DAB1: variants seen among roughly 807,000 people sequenced by gnomAD.
DAB1 encodes the protein DAB adaptor protein 1.
DAB1 carries 15 observed loss-of-function variants against 64.6 expected under a neutral mutation model. The observed-to-expected ratio is 0.23, with a 90% CI of 0.16 to 0.36. The LOEUF (loss-of-function observed/expected upper bound fraction) is 0.36, where lower values mean the gene tolerates loss of function less well. Among genes scored for constraint, DAB1 ranks in the 10% least tolerant of loss-of-function variants. The pLI, the probability that DAB1 is intolerant of heterozygous loss-of-function variation, is 1.00. For missense variants in DAB1, 596 were observed against 706.7 expected (o/e 0.84, Z 1.78); for synonymous variants, 235 against 251.9 (o/e 0.93, Z 0.64).
intron 4 of DAB1, among the ~76,000 whole-genome samples, chr1:58,246,124 T>C (rs1053758074): frequency 5.5e-4 from 2 of 3,662 alleles, no homozygotes; most frequent in Admixed American, 5.0e-3. Flanking sequence ...TGTATCAGAA[T>C]TGTTAACAAA....
Position 58,123,250 on chromosome 1 carries a change from G to A in DAB1, n.387+27261C>T, listed in dbSNP as rs10159104. On this transcript the variant is annotated intron_variant and non_coding_transcript_variant, in intron 5 of 20. Coordinates refer to the DAB1 transcript ENST00000485760. ...CATTCTTTCCACTGTCCCCAGCTGT[G>A]TTTCCCAAAGATTAGGATGTGTCAA... 9.6e-3 allele frequency among the ~76,000 whole-genome samples: 1,459 copies of A among 152,226 alleles called. 23 individuals are homozygous for A. The highest frequency in any genetic ancestry group is 0.033 in the African/African-American group (1,388 of 41,524).
At chr1:57,615,920 G>A (rs1645786359) in intron 7 of DAB1, among the ~76,000 whole-genome samples, 1 of 152,188 alleles carries the variant, frequency 6.6e-6, no homozygotes, top group Non-Finnish European at 1.5e-5. Context: ...TCATAGCTGA[G>A]TGTGAGGGCC....
intron 4 of DAB1, among the ~76,000 whole-genome samples, chr1:58,303,561 C>T (rs1662223108): frequency 6.6e-6 from 1 of 152,156 alleles, no homozygotes; most frequent in African/African-American, 2.4e-5. Context: ...AAGATGATGT[C>T]CAAACCAGAG....
At chr1:57,141,053 G>A (rs1187162568) in intron 3 of DAB1, among the ~76,000 whole-genome samples, 1 of 152,090 alleles carries the variant, frequency 6.6e-6, no homozygotes, top group Non-Finnish European at 1.5e-5. Context: ...CTTCAGGCAT[G>A]AATTCTGAAA....
intron 9 of DAB1, among the ~76,000 whole-genome samples, chr1:57,044,514 C>T (rs1334548013): frequency 6.6e-6 from 1 of 152,166 alleles, no homozygotes; most frequent in Non-Finnish European, 1.5e-5. Context: ...GACATCTGTG[C>T]TCTGGCCTCG....
chr1:57,407,261 G>C (rs145968696), intron 1 of DAB1, among the ~76,000 whole-genome samples: 2 of 152,264 alleles, frequency 1.3e-5, no homozygotes, highest in East Asian at 3.9e-4. Context: ...AGACCACCAA[G>C]GTCACAGCAA....
At chr1:58,088,078 A>G (rs905193429) in intron 5 of DAB1, among the ~76,000 whole-genome samples, 1 of 152,172 alleles carries the variant, frequency 6.6e-6, no homozygotes, top group Admixed American at 6.5e-5. Flanking sequence ...TCAGCCTGGC[A>G]CTACTATGCT....
intron 2 of DAB1, among the ~76,000 whole-genome samples, chr1:57,168,688 C>T (rs897415910): frequency 4.4e-4 from 67 of 152,302 alleles, no homozygotes; most frequent in African/African-American, 1.5e-3. Context: ...ATCTCCCTTT[C>T]ACAATCTATC....
intron 2 of DAB1, among the ~76,000 whole-genome samples, chr1:57,276,582 G>A (rs1012413668): frequency 6.6e-5 from 10 of 152,336 alleles, no homozygotes; most frequent in African/African-American, 1.2e-4. Context: ...ACAAGTTATT[G>A]TCCAGCAAGA....
chr1:58,232,502 C>G (rs1414301412), intron 4 of DAB1, among the ~76,000 whole-genome samples: 2 of 145,616 alleles, frequency 1.4e-5, no homozygotes, highest in African/African-American at 5.6e-5. Flanking sequence ...CACACACACA[C>G]ACACACACAC....
intron 2 of DAB1, among the ~76,000 whole-genome samples, chr1:57,182,283 A>C (rs1218793886): frequency 6.6e-6 from 1 of 152,236 alleles, no homozygotes; most frequent in Non-Finnish European, 1.5e-5. Flanking sequence ...AATAGCAGCT[A>C]TCAATTACTA....
intron 2 of DAB1, among the ~76,000 whole-genome samples, chr1:57,184,976 C>T (rs1232973885): frequency 6.6e-6 from 1 of 152,112 alleles, no homozygotes; most frequent in Non-Finnish European, 1.5e-5. Flanking sequence ...ACAGGGATCA[C>T]AACATTCGTA....
At chr1:58,393,134 T>A (rs547397870) in intron 3 of DAB1, among the ~76,000 whole-genome samples, 1 of 150,880 alleles carries the variant, frequency 6.6e-6, no homozygotes, top group Admixed American at 6.6e-5. Flanking sequence ...TTTTTTTTTT[T>A]TTTTTTTTTA....
rs780729981 is a variant in DAB1, at chr1:57,015,118, G to A, written c.1209C>T (p.Thr403=). The change falls in exon 12 of 15, where the codon ACC becomes ACT. Residue 403 remains threonine, a synonymous_variant. Coordinates refer to ENST00000371236, the MANE Select transcript of DAB1 (RefSeq NM_001365792.1). Reference sequence around the variant, plus strand: ...TGCCCATTTTCTGCCTGGGCTTGTCGGTCTGTGGACTTGACCTGGTGGAGT... The same window carrying A: ...TGCCCATTTTCTGCCTGGGCTTGTCAGTCTGTGGACTTGACCTGGTGGAGT... The part of the protein sequence containing the change: ...TSDSTRSSPQ[T]DKPRQKMGKE... 2.2e-5 allele frequency: 36 copies of A among 1,614,042 alleles called. 1 individual carries two copies. The highest frequency in any genetic ancestry group is 1.4e-4 in the South Asian group (13 of 91,088).
chr1:57,028,960 C>T (rs1646879727), intron 9 of DAB1, among the ~76,000 whole-genome samples: 1 of 152,182 alleles, frequency 6.6e-6, no homozygotes, highest in Non-Finnish European at 1.5e-5. Flanking sequence ...AAGCCAGCTG[C>T]AGAAATTTGC....
intron 5 of DAB1, among the ~76,000 whole-genome samples, chr1:57,912,932 C>T (rs866731735): frequency 1.6e-4 from 25 of 151,822 alleles, no homozygotes; most frequent in South Asian, 4.2e-4. Context: ...CACTGCTCAA[C>T]GAAATAAAAG....
chr1:57,168,739 A>G (rs533662938), intron 2 of DAB1, among the ~76,000 whole-genome samples: 4 of 152,232 alleles, frequency 2.6e-5, no homozygotes, highest in East Asian at 3.9e-4. Flanking sequence ...TCTTTAGTTC[A>G]TATTGAACAG....
At chr1:57,892,132 A>C (rs543500504) in intron 5 of DAB1, among the ~76,000 whole-genome samples, 3 of 152,304 alleles carry the variant, frequency 2.0e-5, no homozygotes, top group East Asian at 1.9e-4. Context: ...ACCAGAGCCT[A>C]TAGCACTATA....
intron 4 of DAB1, among the ~76,000 whole-genome samples, chr1:58,243,922 T>C (rs1660414160): frequency 6.6e-6 from 1 of 151,962 alleles, no homozygotes; most frequent in African/African-American, 2.4e-5. Context: ...CTTCTGTGCA[T>C]AGGGTTGACA....
Sources: gnomAD v4.1 joint callset for allele counts (sites outside exome capture counted in the v4.1 genomes callset) on GRCh38, gnomAD v4.1.1 for gene constraint, MANE v1.5 for transcripts, NCBI Gene and HGNC (gene_info 2026-07-23, HGNC 2026-07-21) for gene names.